EBF1: variants seen among roughly 807,000 people sequenced by gnomAD.
EBF1 encodes transcription factor COE1.
A neutral mutation model predicts 68.4 loss-of-function variants in EBF1; 10 were observed. That is an observed-to-expected ratio of 0.15 (90% confidence interval 0.09 to 0.25). The LOEUF is 0.25. Ranked by LOEUF, EBF1 falls within the 10% of genes least tolerant of loss-of-function variation. EBF1 has a pLI of 1.00. For synonymous variants in EBF1, 298 were observed against 299.8 expected, an observed-to-expected ratio of 0.99 and a Z score of 0.06; for missense variants, 509 against 794.4, an observed-to-expected ratio of 0.64 and a Z score of 4.32.
chr5:159,085,154 C>A (rs1467604602), intron 4 of EBF1, among the ~76,000 whole-genome samples: 1 of 152,194 alleles, frequency 6.6e-6, no homozygotes, highest in Admixed American at 6.5e-5. Flanking sequence ...TTTACTACTT[C>A]CAGGCTCAAC....
intron 9 of EBF1, among the ~76,000 whole-genome samples, chr5:158,793,039 G>A (rs2127734424): frequency 6.6e-6 from 1 of 152,276 alleles, no homozygotes; most frequent in South Asian, 2.1e-4. Context: ...AAGAAGGTAA[G>A]CCCTGGGGTT....
rs999734153 is a variant in EBF1, at chr5:159,020,804, G to A, written c.554+52592C>T. Among the ~76,000 whole-genome samples, 8 of 152,144 alleles carry A rather than the reference G, an allele frequency of 5.3e-5. No individual in the cohort carries two copies. The South Asian group carries it at 1.5e-3, about 28-fold the overall frequency. On this transcript the variant is annotated intron_variant, in intron 6 of 15. Transcript: ENST00000313708. Reference sequence around the variant, plus strand: ...AGTGGAAGTCATAAAGTAAGTAGATGCTCAGAAAATATATCTGATCTAGGC... The same window carrying A: ...AGTGGAAGTCATAAAGTAAGTAGATACTCAGAAAATATATCTGATCTAGGC...
chr5:158,807,372 T>C (rs140099656), intron 8 of EBF1, among the ~76,000 whole-genome samples: 6 of 152,106 alleles, frequency 3.9e-5, no homozygotes, highest in African/African-American at 1.2e-4. Flanking sequence ...AAAAGGAAGA[T>C]GATTTCTGAG....
At chr5:158,871,251 CAGAAGACAAA>C (rs1376097174) in intron 6 of EBF1, among the ~76,000 whole-genome samples, 1 of 152,128 alleles carries the variant, frequency 6.6e-6, no homozygotes, top group African/African-American at 2.4e-5. Flanking sequence ...CAGATTGCTG[CAGAAGACAAA>C]TTAAGACATT....
intron 6 of EBF1, among the ~76,000 whole-genome samples, chr5:158,946,375 C>T (rs1443235179): frequency 2.0e-5 from 3 of 152,080 alleles, no homozygotes; most frequent in Admixed American, 1.3e-4. Context: ...TTTGCTTGGT[C>T]GTCCTTCTTT....
chr5:158,798,861 C>A (rs1288015723), intron 8 of EBF1, among the ~76,000 whole-genome samples: 6 of 152,084 alleles, frequency 3.9e-5, no homozygotes, highest in Non-Finnish European at 8.8e-5. Context: ...AAGAATGACA[C>A]ACCCCTCAGT....
At chr5:158,821,170 A>C (rs548327333) in intron 8 of EBF1, among the ~76,000 whole-genome samples, 33 of 152,038 alleles carry the variant, frequency 2.2e-4, no homozygotes, top group Non-Finnish European at 4.9e-4. Flanking sequence ...TCTCCTACAG[A>C]TCATCACCTT....
intron 6 of EBF1, among the ~76,000 whole-genome samples, chr5:158,958,411 G>T (rs1425799733): frequency 6.6e-6 from 1 of 152,060 alleles, no homozygotes; most frequent in Admixed American, 6.6e-5. Context: ...TTTAAATTCA[G>T]GAAGCGGCCT....
intron 8 of EBF1, among the ~76,000 whole-genome samples, chr5:158,810,415 T>C (rs1028401692): frequency 6.6e-6 from 1 of 152,192 alleles, no homozygotes; most frequent in Non-Finnish European, 1.5e-5. Flanking sequence ...TTCTTCTAAA[T>C]AGTAGCCCAA....
intron 6 of EBF1, among the ~76,000 whole-genome samples, chr5:159,034,808 G>A (rs185361086): frequency 6.6e-6 from 1 of 152,162 alleles, no homozygotes; most frequent in African/African-American, 2.4e-5. Flanking sequence ...TGAGACTCAT[G>A]ATGGAGCTCC....
intron 6 of EBF1, among the ~76,000 whole-genome samples, chr5:158,872,711 G>A (rs1210953012): frequency 1.1e-4 from 17 of 152,202 alleles, no homozygotes. Context: ...TACACTGGTA[G>A]ATGAAACAAT....
At chr5:158,867,228 A>G (rs1490567466) in intron 6 of EBF1, among the ~76,000 whole-genome samples, 1 of 152,168 alleles carries the variant, frequency 6.6e-6, no homozygotes, top group African/African-American at 2.4e-5. Context: ...AATACCAGTA[A>G]TTAGAGGAAG....
intron 6 of EBF1, among the ~76,000 whole-genome samples, chr5:159,027,505 C>G (rs1584060259): frequency 6.6e-6 from 1 of 152,176 alleles, no homozygotes; most frequent in Non-Finnish European, 1.5e-5. Flanking sequence ...ACTACCACAC[C>G]AGTGTTCTTC....
At chr5:158,723,012 C>T (rs1192923520) in intron 11 of EBF1, among the ~76,000 whole-genome samples, 1 of 152,186 alleles carries the variant, frequency 6.6e-6, no homozygotes, top group Non-Finnish European at 1.5e-5. Context: ...CCTTAGTCCT[C>T]CCCATCAAGA....
chr5:158,968,331 G>A (rs1269342351), intron 6 of EBF1, among the ~76,000 whole-genome samples: 1 of 152,190 alleles, frequency 6.6e-6, no homozygotes. Flanking sequence ...CATCATTCAT[G>A]CCCCCTCTCA....
chr5:159,018,984 C>T (rs559247228), intron 6 of EBF1: 2 of 152,322 alleles, frequency 1.3e-5, no homozygotes, highest in South Asian at 4.1e-4. Flanking sequence ...CTATAAGCCG[C>T]CCCGGATCTT....
intron 11 of EBF1, among the ~76,000 whole-genome samples, chr5:158,722,539 C>T (rs1055671173): frequency 8.6e-5 from 13 of 152,036 alleles, no homozygotes; most frequent in South Asian, 2.1e-4. Context: ...TATTTTTGGA[C>T]GTATACTATA....
intron 13 of EBF1, 149 bp from the exon 14 acceptor site, chr5:158,712,482 G>A: frequency 1.2e-6 from 1 of 819,684 alleles, no homozygotes. Flanking sequence ...TGGGTTGGTG[G>A]TGCTAGCTCT....
chr5:158,941,712 C>G (rs1044006802), intron 6 of EBF1, among the ~76,000 whole-genome samples: 4 of 152,144 alleles, frequency 2.6e-5, no homozygotes, highest in African/African-American at 9.7e-5. Context: ...AGGATGCTTT[C>G]TCAGTCCACA....
Sources: gnomAD v4.1 joint callset for allele counts (sites outside exome capture counted in the v4.1 genomes callset) on GRCh38, gnomAD v4.1.1 for gene constraint, MANE v1.5 for transcripts, NCBI Gene and HGNC (gene_info 2026-07-23, HGNC 2026-07-21) for gene names.